The following KDM5A variants were observed in gnomAD, a reference collection of about 807,000 sequenced individuals.
KDM5A encodes the protein lysine demethylase 5A, also known as lysine-specific demethylase 5A.
In KDM5A, 42 loss-of-function variants were observed where a neutral mutation model predicts 193.5. The observed-to-expected ratio is 0.22, with a 90% CI of 0.17 to 0.28. The LOEUF is 0.28. KDM5A is among the 10% of genes least tolerant of loss of function. The pLI is 1.00. For missense variants in KDM5A, 1,692 were observed against 2,055.1 expected (o/e 0.82, Z 3.42); for synonymous variants, 796 against 718.1 (o/e 1.11, Z -1.73).
chr12:339,338 A>G (rs1591920505), intron 10 of KDM5A, among the ~76,000 whole-genome samples: 1 of 151,690 alleles, frequency 6.6e-6, no homozygotes, highest in East Asian at 2.0e-4. Flanking sequence ...AAATTTATAT[A>G]AAGTATAAAA....
intron 25 of KDM5A, among the ~76,000 whole-genome samples, chr12:296,565 T>A (rs1943377040): frequency 1.3e-5 from 2 of 152,206 alleles, no homozygotes; most frequent in Admixed American, 1.3e-4. Context: ...ACCCTCCATC[T>A]TCCAGAGTTG....
chr12:384,986 T>C (rs1371402865), intron 2 of KDM5A, among the ~76,000 whole-genome samples: 6 of 152,110 alleles, frequency 3.9e-5, no homozygotes, highest in Non-Finnish European at 8.8e-5. Context: ...GGTCAGGAGT[T>C]CCAGACCAGC....
chr12:347,089 T>C (rs1183918990), intron 10 of KDM5A, among the ~76,000 whole-genome samples: 1 of 152,160 alleles, frequency 6.6e-6, no homozygotes, highest in Non-Finnish European at 1.5e-5. Flanking sequence ...AAAATCAATG[T>C]GCAAAAATCA....
intron 27 of KDM5A, 100 bp downstream of exon 27, chr12:292,659 C>G: frequency 6.7e-7 from 1 of 1,494,432 alleles, no homozygotes; most frequent in Non-Finnish European, 9.3e-7. Context: ...AAGTCCAAAT[C>G]CTAGAACCAA....
At chr12:330,054 A>AGTGTGTGTGTGT (rs148451707) in intron 13 of KDM5A, among the ~76,000 whole-genome samples, 27 of 142,330 alleles carry the variant, frequency 1.9e-4, no homozygotes, top group South Asian at 7.1e-4. Context: ...CAAAGGAAAA[A>AGTGTGTGTGTGT]GTGTGTGTGT....
At chr12:296,181 G>A (rs543616416) in intron 25 of KDM5A, among the ~76,000 whole-genome samples, 6 of 152,002 alleles carry the variant, frequency 3.9e-5, no homozygotes, top group East Asian at 3.9e-4. Context: ...TTAGCCAAGC[G>A]TGGTGGCGCA....
At position 366,029 on chromosome 12, in the gene KDM5A, A is replaced by G. The variant is rs751816266; in HGVS notation, c.442T>C (p.Tyr148His). 5 of 1,613,972 alleles carry G rather than the reference A, an allele frequency of 3.1e-6. No homozygotes were observed. Among genetic ancestry groups the G allele is most frequent in the Non-Finnish European group, 4.2e-6 (5 of 1,179,808 alleles). ...GACCCAGTTCCTTTTCCTGGCAGAT[A>G]TCCCAAGCGACTACCCACTTTAGAC... ...KWSKVGSRLG[Y>H]LPGKGTGSLL... Residue 148 changes from tyrosine to histidine, a missense_variant, in exon 4 of 28, where the codon TAT becomes CAT. Tyr to His is a moderately conservative substitution (Grantham distance 83). Coordinates refer to ENST00000399788, the MANE Select transcript of KDM5A (RefSeq NM_001042603.3).
intron 24 of KDM5A, among the ~76,000 whole-genome samples, chr12:304,446 C>CTTT (rs67930424): frequency 1.5e-4 from 17 of 112,566 alleles, no homozygotes; most frequent in African/African-American, 3.8e-4. Flanking sequence ...AGAGTATAGG[C>CTTT]TTTTTTTTTT....
chr12:355,333 AT>A, intron 6 of KDM5A, 84 bp from the exon 7 acceptor site: 2 of 795,830 alleles, frequency 2.5e-6, no homozygotes, highest in Non-Finnish European at 4.5e-6. Context: ...AATTATTTAA[AT>A]TAGTTAAAAT....
Position 297,119 on chromosome 12 carries a change from C to G in KDM5A, c.4156G>C (p.Val1386Leu), listed in dbSNP as rs902059067. The change falls in exon 25 of 28, where the codon GTG becomes CTG. Residue 1386 changes from valine (V) to leucine (L), a missense_variant. Val to Leu is a conservative substitution (Grantham distance 32, BLOSUM62 1). Around this residue, in one of 11 missense-constraint regions of KDM5A, gnomAD observed 965 missense variants for 1,061.0 expected, o/e 0.91. Transcript: ENST00000399788. ...DEEIPIKSEE[V>L]VTHMWTAPSF... ...GGTGCTGTCCACATGTGGGTCACCA[C>G]CTCCTCGGATTTGATGGGAATCTCT... The G allele has an allele frequency of 6.2e-7, 1 of 1,614,044 alleles. No homozygotes were observed. The highest frequency in any genetic ancestry group is 8.5e-7 in the Non-Finnish European group (1 of 1,179,988).
chr12:370,466 C>A (rs1309795271), intron 3 of KDM5A, among the ~76,000 whole-genome samples: 2 of 152,208 alleles, frequency 1.3e-5, no homozygotes, highest in Non-Finnish European at 2.9e-5. Flanking sequence ...TATCACAACA[C>A]TGTCCCCAGA....
chr12:295,311 G>A (rs560841426), intron 26 of KDM5A, among the ~76,000 whole-genome samples: 4 of 142,874 alleles, frequency 2.8e-5, no homozygotes, highest in African/African-American at 1.0e-4. Context: ...GAAAGGAAAG[G>A]AGAAAAGAAA....
chr12:288,098 A>G (rs889629452), intron 27 of KDM5A, among the ~76,000 whole-genome samples: 3 of 152,158 alleles, frequency 2.0e-5, no homozygotes, highest in African/African-American at 7.2e-5. Flanking sequence ...CTCTTTACCA[A>G]TATCTTTTTT....
rs564416572 is a variant in KDM5A at position 355,488 on chromosome 12, C to T, written c.779-239G>A. ...GATTCTAATCCAGTCACGTAAGATCCAGAGAGCTTACCCATTAATGTTGTA... is the reference window on the plus strand; with the variant it reads ...GATTCTAATCCAGTCACGTAAGATCTAGAGAGCTTACCCATTAATGTTGTA... On this transcript the variant is annotated intron_variant, in intron 6 of 27. Coordinates refer to ENST00000399788, the MANE Select transcript of KDM5A (RefSeq NM_001042603.3). 3.9e-5 allele frequency among the ~76,000 whole-genome samples: 6 copies of T among 152,256 alleles called. No individual in the cohort carries two copies. In the South Asian group the frequency reaches 1.2e-3, roughly 32 times the overall value.
chr12:288,146 CT>C, intron 27 of KDM5A, among the ~76,000 whole-genome samples: 1 of 152,268 alleles, frequency 6.6e-6, no homozygotes, highest in East Asian at 1.9e-4. Context: ...CTGAGTTCTA[CT>C]TTTGTGTGAA....
chr12:328,326 A>T (rs1260956206), intron 14 of KDM5A, among the ~76,000 whole-genome samples: 1 of 152,206 alleles, frequency 6.6e-6, no homozygotes, highest in Non-Finnish European at 1.5e-5. Flanking sequence ...AGAACAGGCC[A>T]AGATGATGCT....
In KDM5A at chr12:388,916, G is replaced by C. The variant is rs752503773; in HGVS notation, c.165+11C>G. ...TTCCTTCTCCCCCTCTCTCTTCACA[G>C]ACTGAGGTACCTTGGGCGGCCGAAT... On this transcript the variant is annotated intron_variant, in intron 1 of 27. Coordinates refer to ENST00000399788, the MANE Select transcript of KDM5A (RefSeq NM_001042603.3). 5 of 1,614,012 alleles carry C rather than the reference G, an allele frequency of 3.1e-6. No homozygotes were observed. Among genetic ancestry groups the C allele is most frequent in the Non-Finnish European group, 4.2e-6 (5 of 1,180,000 alleles).
chr12:319,694 C>A (rs530358431), intron 18 of KDM5A, among the ~76,000 whole-genome samples: 55 of 152,138 alleles, frequency 3.6e-4, no homozygotes, highest in Non-Finnish European at 6.2e-4. Flanking sequence ...GCAGAAGTTA[C>A]AGTGAGCCGA....
Position 384,025 on chromosome 12 carries a change from C to G in KDM5A, c.366+6G>C. The G allele has an allele frequency of 6.2e-7, 1 of 1,613,652 alleles. No homozygotes were observed. The highest frequency in any genetic ancestry group is 8.5e-7 in the Non-Finnish European group (1 of 1,179,640). On this transcript the variant is annotated splice_donor_region_variant and intron_variant, in intron 3 of 27. Coordinates refer to ENST00000399788, the MANE Select transcript of KDM5A (RefSeq NM_001042603.3). ...GCTCTAATTTCTAAACCAGTATGAGCCTCACCTTGCTCAAAGCATACAGAT... is the reference window on the plus strand; with the variant it reads ...GCTCTAATTTCTAAACCAGTATGAGGCTCACCTTGCTCAAAGCATACAGAT...
Sources: gnomAD v4.1 joint callset for allele counts (sites outside exome capture counted in the v4.1 genomes callset) on GRCh38, gnomAD v4.1.1 for gene constraint, gnomAD v4.1.1 regional missense constraint, MANE v1.5 for transcripts, NCBI Gene and HGNC (gene_info 2026-07-23, HGNC 2026-07-21) for gene names.